The following UTRN variants were observed in gnomAD, a reference collection of about 807,000 sequenced individuals.
UTRN encodes the protein utrophin.
Under a neutral mutation model 463.9 loss-of-function variants are expected in UTRN, and 283 were observed. That is an observed-to-expected ratio of 0.61 (90% CI 0.55 to 0.67). The LOEUF is 0.67. Ranked by LOEUF, UTRN falls within the 30% of genes least tolerant of loss-of-function variation. The probability of loss-of-function intolerance (pLI) is 0.00; values close to 1 mark genes in which losing one functional copy is unlikely to be tolerated. For missense variants in UTRN, 3,922 were observed against 4,084.3 expected, an observed-to-expected ratio of 0.96 and a Z score of 1.08; for synonymous variants, 1,442 against 1,431.5, an observed-to-expected ratio of 1.01 and a Z score of -0.17.
chr6:144,786,488 G>T (rs11754229), intron 61 of UTRN, among the ~76,000 whole-genome samples: 1 of 152,018 alleles, frequency 6.6e-6, no homozygotes, highest in African/African-American at 2.4e-5. Context: ...GTTTCACCAT[G>T]TTGGCCAGGA....
intron 2 of UTRN, among the ~76,000 whole-genome samples, chr6:144,373,159 C>T (rs933913557): frequency 5.3e-5 from 8 of 152,166 alleles, no homozygotes; most frequent in Non-Finnish European, 1.0e-4. Context: ...AGTAATTTCT[C>T]TCTAAGTTTT....
At position 144,522,002 on chromosome 6, in the gene UTRN, A is replaced by G. The variant is rs764991521; in HGVS notation, c.5564A>G (p.Lys1855Arg). 1.3e-6 allele frequency: 2 copies of G among 1,575,748 alleles called. No individual in the cohort carries two copies. The highest frequency in any genetic ancestry group is 1.7e-6 in the Non-Finnish European group (2 of 1,164,658). The change falls in exon 40 of 75, where the codon AAA becomes AGA. Residue 1855 changes from lysine (K) to arginine (R), a missense_variant. Coordinates refer to ENST00000367545, the MANE Select transcript of UTRN (RefSeq NM_007124.3). ...KIKAIPIQQR[K>R]MGQLASGIRS... Reference sequence around the variant, plus strand: ...TAGGCAATCCCTATTCAACAGAGGAAAATGGGTCAACTTGCTTCTGGAATT... The same window carrying G: ...TAGGCAATCCCTATTCAACAGAGGAGAATGGGTCAACTTGCTTCTGGAATT...
At chr6:144,744,418 TATAATATATACATAATTTTACTTATG>T (rs1414627790) in intron 54 of UTRN, among the ~76,000 whole-genome samples, 60 of 147,386 alleles carry the variant, frequency 4.1e-4, no homozygotes, top group East Asian at 1.4e-3. Flanking sequence ...TTTACTTATG[TATAATATATACATAATTTTACTTATG>T]TATAATATAT....
chr6:144,777,053 T>C (rs1204899635), intron 60 of UTRN, among the ~76,000 whole-genome samples: 2 of 152,174 alleles, frequency 1.3e-5, no homozygotes, highest in Non-Finnish European at 2.9e-5. Context: ...TTATTAGTTA[T>C]TGTTTGCTTC....
At chr6:144,806,164 C>G (rs1398117172) in intron 65 of UTRN, among the ~76,000 whole-genome samples, 5 of 152,036 alleles carry the variant, frequency 3.3e-5, no homozygotes, top group African/African-American at 1.2e-4. Flanking sequence ...CAATTTGAAA[C>G]CCACATATCT....
chr6:144,395,718 T>G (rs1164421652), intron 2 of UTRN, among the ~76,000 whole-genome samples: 3 of 152,152 alleles, frequency 2.0e-5, no homozygotes, highest in Non-Finnish European at 4.4e-5. Context: ...AAAAGCAATT[T>G]CTGAATCCCA....
At chr6:144,674,026 A>G (rs1483060768) in intron 51 of UTRN, among the ~76,000 whole-genome samples, 1 of 152,194 alleles carries the variant, frequency 6.6e-6, no homozygotes, top group Non-Finnish European at 1.5e-5. Flanking sequence ...TTAATCTTAT[A>G]GGATTTCCCT....
rs556438947 is a variant in UTRN at position 144,380,344 on chromosome 6, A to G, written c.80-22779A>G. Among the ~76,000 whole-genome samples, 3 of 152,368 alleles carry G rather than the reference A, an allele frequency of 2.0e-5. No individual in the cohort carries two copies. In the East Asian group the frequency reaches 5.8e-4, roughly 29 times the overall value. On this transcript the variant is annotated intron_variant, in intron 2 of 74. Transcript: ENST00000367545. Reference sequence around the variant, plus strand: ...GACAAAAATGTCTAGGAGGATGTATATAAACCTGTTAATACTGGTTATCTC... The same window carrying G: ...GACAAAAATGTCTAGGAGGATGTATGTAAACCTGTTAATACTGGTTATCTC...
chr6:144,578,837 C>G (rs912088695), intron 51 of UTRN, among the ~76,000 whole-genome samples: 4 of 152,154 alleles, frequency 2.6e-5, no homozygotes, highest in African/African-American at 4.8e-5. Flanking sequence ...CTTAGGAACT[C>G]TTTTCTCTGA....
Position 144,836,425 on chromosome 6 carries a change from G to C in UTRN, c.9949G>C (p.Glu3317Gln). 1 of 1,613,596 alleles carries C rather than the reference G, an allele frequency of 6.2e-7. No individual in the cohort carries two copies. The highest frequency in any genetic ancestry group is 8.5e-7 in the Non-Finnish European group (1 of 1,179,722). The part of the protein sequence containing the change: ...HTSEDSELIA[E>Q]AKLLRQHKGR... ...GTCTGAGGATTCAGAACTTATAGCA[G>C]AAGCAAAACTCCTCAGGCAGCACAA... Residue 3317 changes from glutamate (E) to glutamine (Q), a missense_variant, in exon 71 of 75, where the codon GAA becomes CAA. Physicochemically the swap from Glu to Gln is conservative, Grantham distance 29. This residue lies in a region of UTRN where 1,309 missense variants were observed against 1,452.6 expected (regional missense o/e 0.90). Transcript: ENST00000367545.
chr6:144,505,334 T>C (rs1794606879), intron 34 of UTRN, among the ~76,000 whole-genome samples: 2 of 151,982 alleles, frequency 1.3e-5, no homozygotes, highest in Admixed American at 1.3e-4. Flanking sequence ...GCTTCTCTAG[T>C]TCTTTTAATT....
chr6:144,840,676 G>A (rs1346801282), intron 72 of UTRN, 64 bp from the exon 73 acceptor site: 4 of 1,575,818 alleles, frequency 2.5e-6, no homozygotes, highest in Non-Finnish European at 3.5e-6. Context: ...CTGAATTTGG[G>A]TTTTAGTGGA....
At chr6:144,426,943 T>A (rs940668118) in intron 7 of UTRN, among the ~76,000 whole-genome samples, 2 of 152,212 alleles carry the variant, frequency 1.3e-5, no homozygotes, top group African/African-American at 4.8e-5. Context: ...CAGGCTGAAA[T>A]ACTTTCCAAA....
At chr6:144,496,244 G>A (rs557303000) in intron 33 of UTRN, among the ~76,000 whole-genome samples, 45 of 152,288 alleles carry the variant, frequency 3.0e-4, no homozygotes, top group African/African-American at 1.1e-3. Flanking sequence ...ACTTCCAGTT[G>A]AGGTAATATT....
chr6:144,636,462 G>A (rs7764956), intron 51 of UTRN, among the ~76,000 whole-genome samples: 8 of 151,796 alleles, frequency 5.3e-5, no homozygotes, highest in South Asian at 4.2e-4. Flanking sequence ...GTTGATAGGC[G>A]CAGCAAACCG....
rs375742318 is a variant in UTRN, at chr6:144,456,910, C to T, written c.2285-1860C>T. ...AGGTCCTATGTTTTGTAAACGTTTC[C>T]CTTGATTCCAATAGTGATAGACTGA... On this transcript the variant is annotated intron_variant, in intron 19 of 74. Coordinates refer to ENST00000367545, the MANE Select transcript of UTRN (RefSeq NM_007124.3). Among the ~76,000 whole-genome samples the T allele has an allele frequency of 7.9e-5, 12 of 151,964 alleles. 1 individual carries two copies. In the South Asian group the frequency reaches 2.3e-3, roughly 29 times the overall value.
In UTRN at chr6:144,564,935, C is replaced by G. The variant is rs187728671; in HGVS notation, c.7289+7624C>G. On this transcript the variant is annotated intron_variant, in intron 50 of 74. Coordinates refer to ENST00000367545, the MANE Select transcript of UTRN (RefSeq NM_007124.3). ...TTGTTAAGGAAGGGAGTGACACTGTCTAATGTGTATATATATTAAAATTTA... is the reference window on the plus strand; with the variant it reads ...TTGTTAAGGAAGGGAGTGACACTGTGTAATGTGTATATATATTAAAATTTA... 2.1e-3 allele frequency among the ~76,000 whole-genome samples: 319 copies of G among 152,164 alleles called. 1 individual carries two copies. The highest frequency in any genetic ancestry group is 6.8e-3 in the Middle Eastern group (2 of 294).
intron 37 of UTRN, 111 bp from the exon 38 acceptor site, chr6:144,516,118 G>A: frequency 9.0e-7 from 1 of 1,105,258 alleles, no homozygotes; most frequent in Non-Finnish European, 1.3e-6. Flanking sequence ...GAGCTGAATA[G>A]AAAAGTCAGT....
chr6:144,298,810 A>G (rs1018454266), intron 2 of UTRN, among the ~76,000 whole-genome samples: 1 of 152,230 alleles, frequency 6.6e-6, no homozygotes, highest in African/African-American at 2.4e-5. Flanking sequence ...GAGGAATCCA[A>G]TAAAAAATAT....
Sources: gnomAD v4.1 joint callset for allele counts (sites outside exome capture counted in the v4.1 genomes callset) on GRCh38, gnomAD v4.1.1 for gene constraint, gnomAD v4.1.1 regional missense constraint, MANE v1.5 for transcripts, NCBI Gene and HGNC (gene_info 2026-07-23, HGNC 2026-07-21) for gene names.